Variants in DBNL observed in about 807,000 individuals in gnomAD.
The protein encoded by DBNL is drebrin like, also known as drebrin-like protein.
A neutral mutation model predicts 62.2 loss-of-function variants in DBNL; 35 were observed. The ratio of observed to expected loss-of-function variants is 0.56; its 90% CI spans 0.43 to 0.75. The LOEUF is 0.75. DBNL is among the 30% of genes least tolerant of loss of function. The pLI is 0.00. For synonymous variants in DBNL, 197 were observed against 218.0 expected, an observed-to-expected ratio of 0.90 and a Z score of 0.85; for missense variants, 495 against 578.4, an observed-to-expected ratio of 0.86 and a Z score of 1.48.
intron 1 of DBNL, among the ~76,000 whole-genome samples, chr7:44,048,200 C>T (rs1487478891): frequency 6.6e-6 from 1 of 152,202 alleles, no homozygotes; most frequent in Non-Finnish European, 1.5e-5. Flanking sequence ...CCGGCATGAG[C>T]CATCGCAGCT....
chr7:44,062,591 T>C lies in DBNL; in HGVS notation c.*1675T>C. On this transcript the variant is annotated 3_prime_UTR_variant, in exon 13 of 13. Coordinates refer to ENST00000448521, the MANE Select transcript of DBNL (RefSeq NM_001014436.3). Reference sequence around the variant, plus strand: ...CTGGCTCAGTGTCCTGATGACTAGGTGTGGGTACTAGGCTCCTGCCCCTGG... The same window carrying C: ...CTGGCTCAGTGTCCTGATGACTAGGCGTGGGTACTAGGCTCCTGCCCCTGG... 1.5e-6 allele frequency: 1 copy of C among 658,768 alleles called. No homozygotes were observed. 40.8% of individuals were successfully genotyped at this position (658,768 alleles called of 1,614,324 possible).
rs903418156 is a variant in DBNL at position 44,065,686 on chromosome 7, G to A, written c.*4770G>A. On this transcript the variant is annotated 3_prime_UTR_variant, in exon 13 of 13. Transcript: ENST00000448521. ...GTGACCAGTAGCTGAGCTGCTGGGG[G>A]CTGGGGGCCAGGGGAGTGTGCAGGC... The A allele has an allele frequency of 6.5e-5, 47 of 721,648 alleles. No homozygotes were observed. The highest frequency in any genetic ancestry group is 7.5e-4 in the Middle Eastern group (2 of 2,684). The allele number at this position is 721,648 out of a possible 1,614,324, so 44.7% of individuals were successfully genotyped here.
In DBNL at chr7:44,058,184, G is replaced by C. The variant is rs777527115; in HGVS notation, c.608G>C (p.Arg203Pro). The C allele has an allele frequency of 1.3e-6, 2 of 1,557,086 alleles. No homozygotes were observed. Among genetic ancestry groups the C allele is most frequent in the Non-Finnish European group, 1.7e-6 (2 of 1,151,150 alleles). Residue 203 changes from arginine (R) to proline (P), a missense_variant, in exon 7 of 13, where the codon CGG (arginine) becomes CCG (proline). Transcript: ENST00000448521. Reference protein sequence around the residue: ...EEKRRAEEAQRQLEQERRERE... With the variant: ...EEKRRAEEAQPQLEQERRERE... Reference sequence around the variant, plus strand: ...AAGCGGCGGGCCGAGGAGGCACAGCGGCAGCTGGAGCAGGAGCGCCGGGAG... The same window carrying C: ...AAGCGGCGGGCCGAGGAGGCACAGCCGCAGCTGGAGCAGGAGCGCCGGGAG...
At position 44,056,754 on chromosome 7, in the gene DBNL, CA is replaced by C; in HGVS notation, c.328-2del. On this transcript the variant is annotated splice_acceptor_variant, in intron 4 of 12. Transcript: ENST00000448521. LOFTEE classifies it high-confidence loss of function. ...CTTCTTTCAAGTGCTGCTCCTGCTG[CA>C]GGGGGCCCATGTGACCATCAACGCA... 6.2e-7 allele frequency: 1 copy of C among 1,613,892 alleles called. No individual in the cohort carries two copies. The highest frequency in any genetic ancestry group is 8.5e-7 in the Non-Finnish European group (1 of 1,180,016).
At chr7:44,050,524 A>G in intron 2 of DBNL, 1 of 403,006 alleles carries the variant, frequency 2.5e-6, no homozygotes, top group South Asian at 2.4e-5. Context: ...AGAGGGAAAC[A>G]GGCCTCTCCA....
chr7:44,048,972 A>G (rs1251644262), intron 1 of DBNL, among the ~76,000 whole-genome samples: 1 of 152,114 alleles, frequency 6.6e-6, no homozygotes, highest in African/African-American at 2.4e-5. Flanking sequence ...CTCCCACCTC[A>G]GCCTCCCGAG....
At position 44,062,255 on chromosome 7, in the gene DBNL, A is replaced by C; in HGVS notation, c.*1339A>C. The C allele has an allele frequency of 5.4e-6, 1 of 183,804 alleles. No homozygotes were observed. Among genetic ancestry groups the C allele is most frequent in the Non-Finnish European group, 1.2e-5 (1 of 85,366 alleles). The allele number at this position is 183,804 out of a possible 1,614,324, so 11.4% of individuals were successfully genotyped here. A position where few individuals can be genotyped will look rare whatever the true frequency, so the allele number is the denominator to read the frequency against. On this transcript the variant is annotated 3_prime_UTR_variant, in exon 13 of 13. Coordinates refer to ENST00000448521, the MANE Select transcript of DBNL (RefSeq NM_001014436.3). ...AACTTCCCCTCCACTCCCATGGAAG[A>C]CCCAGGTTTGGGCTGTTGCCAGCTT...
rs1325187380 is a variant in DBNL at position 44,069,031 on chromosome 7, T to G, written c.*8115T>G. 1 of 150,726 alleles carries G rather than the reference T, an allele frequency of 6.6e-6. No individual in the cohort carries two copies. The highest frequency in any genetic ancestry group is 1.5e-5 in the Non-Finnish European group (1 of 67,872). The allele number at this position is 150,726 out of a possible 1,614,324, so 9.3% of individuals were successfully genotyped here. On this transcript the variant is annotated 3_prime_UTR_variant, in exon 13 of 13. Coordinates refer to ENST00000448521, the MANE Select transcript of DBNL (RefSeq NM_001014436.3). ...AAATAACTGTCACCCAAGAATTCTA[T>G]ATCCAGTAAAAATTTCTATTTTACT...
chr7:44,051,692 A>G (rs1482171897), intron 2 of DBNL, 138 bp from the exon 3 acceptor site: 17 of 706,396 alleles, frequency 2.4e-5, no homozygotes, highest in Non-Finnish European at 4.0e-5. Context: ...GATTTTAAAC[A>G]TACCCCTAGA....
rs2096165097 is a variant in DBNL at position 44,069,361 on chromosome 7, G to A, written c.*8445G>A. On this transcript the variant is annotated 3_prime_UTR_variant, in exon 13 of 13. Coordinates refer to ENST00000448521, the MANE Select transcript of DBNL (RefSeq NM_001014436.3). ...TAGAACATGAGGGGAGAAGGGTGAA[G>A]GGACCTAGATGGTAGTGAGGTTTCT... 6.6e-6 allele frequency: 1 copy of A among 152,240 alleles called. No homozygotes were observed. Among genetic ancestry groups the A allele is most frequent in the South Asian group, 2.1e-4 (1 of 4,832 alleles). The allele number at this position is 152,240 out of a possible 1,614,324, so 9.4% of individuals were successfully genotyped here.
chr7:44,044,917 C>G, intron 1 of DBNL, 97 bp downstream of exon 1: 1 of 1,247,654 alleles, frequency 8.0e-7, no homozygotes, highest in Non-Finnish European at 1.0e-6. Flanking sequence ...GGAGCGCGAG[C>G]GCGGAGCGGT....
chr7:44,058,116 G>A lies in DBNL; in HGVS notation c.553-13G>A. The A allele has an allele frequency of 6.4e-7, 1 of 1,552,926 alleles. No individual in the cohort carries two copies. The highest frequency in any genetic ancestry group is 1.2e-5 in the South Asian group (1 of 84,172). Reference sequence around the variant, plus strand: ...GCAGCATAGGGCTGAGCGGGCAGTGGCTCTCCCTGCAGAAGGAGGAGGAGA... The same window carrying A: ...GCAGCATAGGGCTGAGCGGGCAGTGACTCTCCCTGCAGAAGGAGGAGGAGA... On this transcript the variant is annotated splice_polypyrimidine_tract_variant and intron_variant, in intron 6 of 12. Coordinates refer to ENST00000448521, the MANE Select transcript of DBNL (RefSeq NM_001014436.3).
Position 44,050,373 on chromosome 7 carries a change from C to A in DBNL, c.139+93C>A. On this transcript the variant is annotated intron_variant, in intron 2 of 12. Coordinates refer to ENST00000448521, the MANE Select transcript of DBNL (RefSeq NM_001014436.3). The stretch of plus-strand genomic sequence containing the variant: ...ACTCAGCTGTCTTGGTCCACTGAGC[C>A]ACATGGGGCTTCCAGTGCTCACTGG... The A allele has an allele frequency of 2.2e-6, 3 of 1,376,244 alleles. No homozygotes were observed. The Admixed American group carries it at 5.1e-5, about 24-fold the overall frequency. 85.3% of individuals were successfully genotyped at this position (1,376,244 alleles called of 1,614,324 possible).
rs758939382 is a variant in DBNL at position 44,062,490 on chromosome 7, G to A, written c.*1574G>A. 2.0e-6 allele frequency: 1 copy of A among 495,030 alleles called. No individual in the cohort carries two copies. The highest frequency in any genetic ancestry group is 3.7e-6 in the Non-Finnish European group (1 of 269,508). 30.7% of individuals were successfully genotyped at this position (495,030 alleles called of 1,614,324 possible). On this transcript the variant is annotated 3_prime_UTR_variant, in exon 13 of 13. Coordinates refer to ENST00000448521, the MANE Select transcript of DBNL (RefSeq NM_001014436.3). ...CCCAAGCACGCCAATTCTGGAGCAT[G>A]GTTACTAAGTGGCTCTGAAGCTTCA...
rs747318989 is a variant in DBNL at position 44,062,634 on chromosome 7, G to T, written c.*1718G>T. ...GCCCCTGGTGACACACGTATGGAGT[G>T]GGGGAGGGTGGGTGGCTGCACCCCT... On this transcript the variant is annotated 3_prime_UTR_variant, in exon 13 of 13. Coordinates refer to ENST00000448521, the MANE Select transcript of DBNL (RefSeq NM_001014436.3). 1.1e-4 allele frequency: 97 copies of T among 887,866 alleles called. No homozygotes were observed. The highest frequency in any genetic ancestry group is 1.4e-4 in the Admixed American group (7 of 49,216). 55.0% of individuals were successfully genotyped at this position (887,866 alleles called of 1,614,324 possible). A position where few individuals can be genotyped will look rare whatever the true frequency, so the allele number is the denominator to read the frequency against.
chr7:44,062,962 C>G lies in DBNL; in HGVS notation c.*2046C>G, dbSNP rs1198940390. ...CGGAAGGAATAGGTGTCCTTAGCCC[C>G]TCTGTCCCCAGCCTGTTTACACAGC... On this transcript the variant is annotated 3_prime_UTR_variant, in exon 13 of 13. Coordinates refer to ENST00000448521, the MANE Select transcript of DBNL (RefSeq NM_001014436.3). 6.2e-7 allele frequency: 1 copy of G among 1,612,824 alleles called. No homozygotes were observed. Among genetic ancestry groups the G allele is most frequent in the African/African-American group, 1.3e-5 (1 of 75,016 alleles).
rs2096113504 is a variant in DBNL at position 44,044,706 on chromosome 7, A to G, written c.-32A>G. 2.0e-6 allele frequency: 3 copies of G among 1,468,504 alleles called. No homozygotes were observed. The highest frequency in any genetic ancestry group is 1.8e-6 in the Non-Finnish European group (2 of 1,111,480). 91.0% of individuals were successfully genotyped at this position (1,468,504 alleles called of 1,614,324 possible). A position where few individuals can be genotyped will look rare whatever the true frequency, so the allele number is the denominator to read the frequency against. ...GGCGGCCCGGCCCGGCCCGGAAGCT[A>G]CAGCAGCGGCGCGGAGACTGCGGGG... On this transcript the variant is annotated 5_prime_UTR_variant, in exon 1 of 13. Transcript: ENST00000448521.
In DBNL at chr7:44,058,885, C is replaced by T. The variant is rs533227463; in HGVS notation, c.754-17C>T. 6.2e-7 allele frequency: 1 copy of T among 1,613,906 alleles called. No homozygotes were observed. Among genetic ancestry groups the T allele is most frequent in the South Asian group, 1.1e-5 (1 of 91,064 alleles). On this transcript the variant is annotated splice_polypyrimidine_tract_variant and intron_variant, in intron 8 of 12. Transcript: ENST00000448521. ...AGGTTTTGCCCACTGCAGGGGTCAACATGTGCTTCCCTCCAGGAGTCTGCC... is the reference window on the plus strand; with the variant it reads ...AGGTTTTGCCCACTGCAGGGGTCAATATGTGCTTCCCTCCAGGAGTCTGCC...
At chr7:44,048,982 G>A (rs1430300996) in intron 1 of DBNL, among the ~76,000 whole-genome samples, 1 of 152,096 alleles carries the variant, frequency 6.6e-6, no homozygotes, top group Non-Finnish European at 1.5e-5. Context: ...AGCCTCCCGA[G>A]TAGTTGGGAC....
Sources: gnomAD v4.1 joint callset for allele counts (sites outside exome capture counted in the v4.1 genomes callset) on GRCh38, gnomAD v4.1.1 for gene constraint, MANE v1.5 for transcripts, NCBI Gene and HGNC (gene_info 2026-07-23, HGNC 2026-07-21) for gene names.